Variants in SLC2A9 observed in about 807,000 individuals in gnomAD.
SLC2A9 encodes solute carrier family 2 member 9.
In SLC2A9, 39 loss-of-function variants were observed where a neutral mutation model predicts 50.6. That is an observed-to-expected ratio of 0.77 (90% CI 0.60 to 1.01). SLC2A9 has a LOEUF of 1.01. Ranked by LOEUF, SLC2A9 falls within the 50% of genes least tolerant of loss-of-function variation. SLC2A9 has a pLI of 0.00. For synonymous variants in SLC2A9, 324 were observed against 276.9 expected, an observed-to-expected ratio of 1.17 and a Z score of -1.69; for missense variants, 686 against 677.6, an observed-to-expected ratio of 1.01 and a Z score of -0.14.
chr4:9,826,742 A>G, intron 11 of SLC2A9, 142 bp from the exon 12 acceptor site: 1 of 778,540 alleles, frequency 1.3e-6, no homozygotes, highest in Non-Finnish European at 2.2e-6. Context: ...TGCTGGCTCA[A>G]TAAGGCAAGT....
chr4:9,804,782 G>A (rs543685098), intron 3 of SLC2A9, among the ~76,000 whole-genome samples: 30 of 152,284 alleles, frequency 2.0e-4, no homozygotes, highest in Admixed American at 9.8e-4. Flanking sequence ...AGTTTGATGC[G>A]GTTTCTAATT....
chr4:9,939,196 T>G (rs571908157), intron 6 of SLC2A9, among the ~76,000 whole-genome samples: 3 of 152,140 alleles, frequency 2.0e-5, no homozygotes, highest in Non-Finnish European at 4.4e-5. Flanking sequence ...TGAACAGAGC[T>G]AAGGCCAACC....
chr4:9,903,866 A>G (rs1310844505), intron 8 of SLC2A9, among the ~76,000 whole-genome samples: 1 of 147,378 alleles, frequency 6.8e-6, no homozygotes, highest in East Asian at 1.9e-4. Context: ...TATATTTTAT[A>G]TATTATAAAT....
At position 10,018,902 on chromosome 4, in the gene SLC2A9, C is replaced by G. The variant is rs1763112437; in HGVS notation, c.249+73G>C. On this transcript the variant is annotated intron_variant, in intron 2 of 11. Transcript: ENST00000264784. ...AGCGCAACAGGAGGGGGCGCTGGAG[C>G]CCAGGGCCCTTGCGCACCCGAAGGT... 72 of 1,440,750 alleles carry G rather than the reference C, an allele frequency of 5.0e-5. No individual in the cohort carries two copies. The South Asian group carries it at 8.3e-4, about 17-fold the overall frequency. 89.2% of individuals were successfully genotyped at this position (1,440,750 alleles called of 1,614,324 possible).
At chr4:10,003,454 G>A (rs903676692) in intron 2 of SLC2A9, among the ~76,000 whole-genome samples, 7 of 152,192 alleles carry the variant, frequency 4.6e-5, no homozygotes, top group Non-Finnish European at 8.8e-5. Context: ...TTACTGTGAC[G>A]TTGGGAAATG....
intron 7 of SLC2A9, among the ~76,000 whole-genome samples, chr4:9,914,768 C>T (rs1577867317): frequency 6.6e-6 from 1 of 152,092 alleles, no homozygotes; most frequent in East Asian, 1.9e-4. Flanking sequence ...CCTTAGAGCA[C>T]ATGTGAGCAT....
intron 10 of SLC2A9, among the ~76,000 whole-genome samples, chr4:9,870,606 C>A (rs774577312): frequency 2.0e-5 from 3 of 152,216 alleles, no homozygotes; most frequent in Non-Finnish European, 4.4e-5. Context: ...GCCACGTTTT[C>A]GCATTCAAGT....
At chr4:9,972,799 G>A (rs1388231453) in intron 5 of SLC2A9, among the ~76,000 whole-genome samples, 3 of 152,092 alleles carry the variant, frequency 2.0e-5, no homozygotes, top group Non-Finnish European at 4.4e-5. Flanking sequence ...CAAAAGCAGT[G>A]GTAAGAAGAA....
At position 9,880,445 on chromosome 4, in the gene SLC2A9, G is replaced by A. The variant is rs999961122; in HGVS notation, c.1291+7122C>T. ...ACTGATGGGGAGCCCAGCATTTAAA[G>A]CCCTGGAAATGCAGCATGTTCTACA... On this transcript the variant is annotated intron_variant, in intron 10 of 11. Coordinates refer to ENST00000264784, the MANE Select transcript of SLC2A9 (RefSeq NM_020041.3). 3 of 985,242 alleles carry A rather than the reference G, an allele frequency of 3.0e-6. No homozygotes were observed. The African/African-American group carries it at 5.2e-5, about 17-fold the overall frequency. 61.0% of individuals were successfully genotyped at this position (985,242 alleles called of 1,614,324 possible).
At chr4:9,831,944 T>C (rs960970615) in intron 11 of SLC2A9, among the ~76,000 whole-genome samples, 7 of 152,214 alleles carry the variant, frequency 4.6e-5, no homozygotes, top group Admixed American at 3.9e-4. Context: ...GGTGTAGTTG[T>C]GAACTTGACA....
At chr4:9,947,220 G>A (rs901559768) in intron 5 of SLC2A9, among the ~76,000 whole-genome samples, 9 of 152,206 alleles carry the variant, frequency 5.9e-5, no homozygotes, top group African/African-American at 2.2e-4. Context: ...GTTCTGGAGT[G>A]TCCCAACCTT....
chr4:9,773,025 G>C (rs1442542640), intron 1 of SLC2A9, among the ~76,000 whole-genome samples: 1 of 152,132 alleles, frequency 6.6e-6, no homozygotes, highest in Non-Finnish European at 1.5e-5. Flanking sequence ...TATGAACCCA[G>C]GACTGTCTCG....
chr4:10,017,912 C>T (rs13128214), intron 2 of SLC2A9, among the ~76,000 whole-genome samples: 66,675 of 151,588 alleles, frequency 0.44, 16,278 homozygotes, highest in South Asian at 0.59. Flanking sequence ...TGGAGCTCCC[C>T]GCATTTCCCC....
At position 9,834,901 on chromosome 4, in the gene SLC2A9, G is replaced by A. The variant is rs779780913; in HGVS notation, c.1399C>T (p.Leu467Phe). 1.9e-6 allele frequency: 3 copies of A among 1,614,052 alleles called. No homozygotes were observed. The highest frequency in any genetic ancestry group is 2.5e-6 in the Non-Finnish European group (3 of 1,180,040). Reference protein sequence around the residue: ...VNWLSNFAVGLLFPFIQKSLD... With the variant: ...VNWLSNFAVGFLFPFIQKSLD... The stretch of plus-strand genomic sequence containing the variant: ...CATACCTGAATGAATGGGAAGAGGA[G>A]CCCAACAGCAAAGTTGGAGAGCCAG... Residue 467 changes from leucine to phenylalanine, a missense_variant, in exon 11 of 12, where the codon CTC becomes TTC. Leu to Phe is a conservative substitution (Grantham distance 22). Coordinates refer to ENST00000264784, the MANE Select transcript of SLC2A9 (RefSeq NM_020041.3).
intron 11 of SLC2A9, among the ~76,000 whole-genome samples, chr4:9,828,518 C>G (rs1181992145): frequency 6.6e-6 from 1 of 152,160 alleles, no homozygotes; most frequent in Non-Finnish European, 1.5e-5. Flanking sequence ...GACCATGTGT[C>G]CCTCTTATTT....
chr4:9,985,535 C>A (rs1383058464), intron 4 of SLC2A9, 134 bp downstream of exon 4: 1 of 1,210,098 alleles, frequency 8.3e-7, no homozygotes, highest in African/African-American at 1.5e-5. Context: ...TGCAGAGTTC[C>A]AGCATCCTTG....
intron 6 of SLC2A9, among the ~76,000 whole-genome samples, chr4:9,926,990 T>G (rs952719876): frequency 6.6e-5 from 10 of 151,494 alleles, no homozygotes; most frequent in Non-Finnish European, 1.5e-4. Flanking sequence ...CTTGGACTTC[T>G]GGCCTCCAGA....
upstream of SLC2A9, among the ~76,000 whole-genome samples, chr4:10,022,862 A>G (rs376177471): frequency 2.0e-5 from 3 of 152,158 alleles, no homozygotes; most frequent in East Asian, 3.9e-4. Flanking sequence ...AAAGAGGAAA[A>G]CCACCCTCAG....
intron 8 of SLC2A9, among the ~76,000 whole-genome samples, chr4:9,903,886 TTATA>T (rs1380374263): frequency 2.7e-5 from 4 of 147,524 alleles, no homozygotes; most frequent in African/African-American, 4.9e-5. Context: ...TTTTATATAT[TTATA>T]TATTTTATAT....
Sources: allele counts gnomAD v4.1 joint callset (sites outside exome capture counted in the v4.1 genomes callset), GRCh38; gene constraint gnomAD v4.1.1; transcripts MANE v1.5; gene names NCBI Gene and HGNC (gene_info 2026-07-23, HGNC 2026-07-21).